The following ROBO1 variants were observed in gnomAD, a reference collection of about 807,000 sequenced individuals.
ROBO1 encodes the protein roundabout homolog 1.
Under a neutral mutation model 195.9 loss-of-function variants are expected in ROBO1, and 149 were observed. That is an observed-to-expected ratio of 0.76 (90% confidence interval 0.67 to 0.87). The LOEUF is 0.87. Among genes scored for constraint, ROBO1 ranks in the 40% least tolerant of loss-of-function variants. The pLI is 0.00. For missense variants in ROBO1, 1,933 were observed against 2,068.3 expected, an observed-to-expected ratio of 0.93 and a Z score of 1.27; for synonymous variants, 816 against 733.2, an observed-to-expected ratio of 1.11 and a Z score of -1.82.
chr3:78,847,921 C>A, intron 4 of ROBO1, among the ~76,000 whole-genome samples: 1 of 152,120 alleles, frequency 6.6e-6, no homozygotes, highest in South Asian at 2.1e-4. Context: ...TGTGTAGCAA[C>A]AGTGCATTTA....
chr3:79,621,595 C>T (rs1052868541), intron 1 of ROBO1, among the ~76,000 whole-genome samples: 22 of 152,096 alleles, frequency 1.4e-4, no homozygotes, highest in African/African-American at 4.8e-4. Context: ...CCAGAAAGGA[C>T]TGAGGTTTTA....
chr3:79,301,347 AGTACTGTGAAAT>A (rs1453972246), intron 2 of ROBO1, among the ~76,000 whole-genome samples: 4 of 152,230 alleles, frequency 2.6e-5, no homozygotes, highest in African/African-American at 9.6e-5. Flanking sequence ...TTCCGCACAC[AGTACTGTGAAAT>A]GTGACTGAGT....
At chr3:79,417,752 C>T (rs1310635246) in intron 2 of ROBO1, among the ~76,000 whole-genome samples, 1 of 152,080 alleles carries the variant, frequency 6.6e-6, no homozygotes, top group East Asian at 1.9e-4. Context: ...TGGGGGACAC[C>T]AATTTGCACA....
intron 2 of ROBO1, among the ~76,000 whole-genome samples, chr3:79,171,998 A>C (rs1014470870): frequency 6.6e-6 from 1 of 152,140 alleles, no homozygotes. Context: ...ACACTACAAT[A>C]TATAAATTTA....
intron 2 of ROBO1, among the ~76,000 whole-genome samples, chr3:79,409,171 A>C (rs2037670113): frequency 6.6e-6 from 1 of 152,160 alleles, no homozygotes; most frequent in Non-Finnish European, 1.5e-5. Flanking sequence ...AAGTGTCTCA[A>C]GACCATAAAT....
At chr3:78,808,473 G>A (rs1340960802) in intron 4 of ROBO1, among the ~76,000 whole-genome samples, 1 of 152,150 alleles carries the variant, frequency 6.6e-6, no homozygotes, top group African/African-American at 2.4e-5. Context: ...AAAGTGCTGG[G>A]ATTACAGGCA....
intron 2 of ROBO1, among the ~76,000 whole-genome samples, chr3:79,369,041 T>G (rs2036085639): frequency 6.6e-6 from 1 of 152,218 alleles, no homozygotes; most frequent in Non-Finnish European, 1.5e-5. Context: ...AACTATCCTG[T>G]CAGTTCATAT....
At chr3:78,894,568 AAAG>A (rs1308952421) in intron 4 of ROBO1, among the ~76,000 whole-genome samples, 1 of 152,234 alleles carries the variant, frequency 6.6e-6, no homozygotes, top group African/African-American at 2.4e-5. Flanking sequence ...AAGATGAAAT[AAAG>A]AAGAAGGAAA....
At chr3:79,375,857 C>T (rs945580310) in intron 2 of ROBO1, among the ~76,000 whole-genome samples, 3 of 152,160 alleles carry the variant, frequency 2.0e-5, no homozygotes, top group Admixed American at 2.0e-4. Context: ...TTCTGGGCAA[C>T]AAAAGGCTTG....
intron 2 of ROBO1, among the ~76,000 whole-genome samples, chr3:79,140,561 A>G (rs9839487): frequency 0.72 from 109,813 of 151,858 alleles, 39,763 homozygotes; most frequent in East Asian, 0.79. Flanking sequence ...TATATACCTA[A>G]TAAGAAGTTA....
chr3:78,758,686 A>G (rs934004795), intron 4 of ROBO1, among the ~76,000 whole-genome samples: 52 of 152,080 alleles, frequency 3.4e-4, no homozygotes, highest in African/African-American at 1.2e-3. Context: ...GTGTGTGTTG[A>G]TTGTGTCTAT....
chr3:78,699,451 C>A (rs1299846306), intron 8 of ROBO1, among the ~76,000 whole-genome samples: 6 of 148,762 alleles, frequency 4.0e-5, no homozygotes, highest in African/African-American at 1.5e-4. Flanking sequence ...TGCCTGTAAT[C>A]CCAGCTACTT....
intron 3 of ROBO1, among the ~76,000 whole-genome samples, chr3:79,067,370 T>A (rs2079020676): frequency 6.6e-6 from 1 of 151,970 alleles, no homozygotes; most frequent in African/African-American, 2.4e-5. Flanking sequence ...AAATTTTAAA[T>A]CTTACAAGTT....
chr3:79,145,360 TACACACACAC>T (rs1319650356), intron 2 of ROBO1, among the ~76,000 whole-genome samples: 3 of 22,106 alleles, frequency 1.4e-4, no homozygotes, highest in South Asian at 2.0e-3. Context: ...ATGCCAGAAA[TACACACACAC>T]ATACACACAC....
chr3:79,371,540 G>A (rs1014887391), intron 2 of ROBO1, among the ~76,000 whole-genome samples: 2 of 151,946 alleles, frequency 1.3e-5, no homozygotes, highest in Non-Finnish European at 2.9e-5. Flanking sequence ...ACTGGCTGAG[G>A]AAATTTTGAA....
At chr3:79,320,565 A>G (rs2033936167) in intron 2 of ROBO1, among the ~76,000 whole-genome samples, 1 of 152,048 alleles carries the variant, frequency 6.6e-6, no homozygotes, top group South Asian at 2.1e-4. Context: ...CCTGGGCTCA[A>G]ACGACAGTCT....
chr3:79,312,698 A>T (rs1439071543), intron 2 of ROBO1, among the ~76,000 whole-genome samples: 1 of 152,184 alleles, frequency 6.6e-6, no homozygotes, highest in Non-Finnish European at 1.5e-5. Context: ...ATTCACTGAC[A>T]ACTCAACCAG....
intron 2 of ROBO1, among the ~76,000 whole-genome samples, chr3:79,257,302 G>T (rs2082852310): frequency 6.6e-6 from 1 of 152,070 alleles, no homozygotes; most frequent in African/African-American, 2.4e-5. Context: ...GATTTATCAT[G>T]CTTTCAGAGA....
At chr3:79,445,700 C>A (rs1163848590) in intron 2 of ROBO1, among the ~76,000 whole-genome samples, 2 of 146,062 alleles carry the variant, frequency 1.4e-5, no homozygotes, top group African/African-American at 5.1e-5. Context: ...CTCGCTCTGT[C>A]GCCCAGGCTG....
Sources: gnomAD v4.1 joint callset for allele counts (sites outside exome capture counted in the v4.1 genomes callset) on GRCh38, gnomAD v4.1.1 for gene constraint, MANE v1.5 for transcripts, NCBI Gene and HGNC (gene_info 2026-07-23, HGNC 2026-07-21) for gene names.